The following ZFTRAF1 variants were observed in gnomAD, a reference collection of about 807,000 sequenced individuals.
ZFTRAF1 encodes zinc finger TRAF-type and ring finger containing 1, also known as zinc finger TRAF-type-containing protein 1.
At chr8:144,462,380 G>A in the ZFTRAF1 span, 2 of 469,562 alleles carry the variant, frequency 4.3e-6, no homozygotes, top group South Asian at 3.4e-5. Context: ...CGCCGCCGCC[G>A]CCGCCGCCGC....
At chr8:144,459,007 G>A in the ZFTRAF1 span, among the ~76,000 whole-genome samples, 2 of 152,270 alleles carry the variant, frequency 1.3e-5, no homozygotes, top group African/African-American at 4.8e-5. Context: ...CAGCACCAAG[G>A]CCCAGGGCCT....
the ZFTRAF1 span, chr8:144,453,638 G>GAA: frequency 3.3e-6 from 2 of 605,628 alleles, no homozygotes; most frequent in South Asian, 4.1e-5. Context: ...CTGCTCAGGA[G>GAA]AAACAGGCAG....
the ZFTRAF1 span, among the ~76,000 whole-genome samples, chr8:144,458,327 A>G: frequency 6.6e-6 from 1 of 152,220 alleles, no homozygotes; most frequent in South Asian, 2.1e-4. Flanking sequence ...CACCACAGAA[A>G]ACAAAAATTC....
chr8:144,461,716 T>TA, the ZFTRAF1 span, among the ~76,000 whole-genome samples: 1 of 152,156 alleles, frequency 6.6e-6, no homozygotes, highest in Non-Finnish European at 1.5e-5. Context: ...CCCCTCTCCT[T>TA]ACTGTTCTTC....
At chr8:144,455,840 C>T in the ZFTRAF1 span, 2 of 152,414 alleles carry the variant, frequency 1.3e-5, no homozygotes, top group Admixed American at 1.3e-4. Flanking sequence ...TAAGGGAGCA[C>T]TGAGGCTGCC....
At chr8:144,460,833 G>A in the ZFTRAF1 span, among the ~76,000 whole-genome samples, 1 of 152,228 alleles carries the variant, frequency 6.6e-6, no homozygotes, top group African/African-American at 2.4e-5. Flanking sequence ...GCAGTGAGCA[G>A]AGATCGTGGC....
At chr8:144,453,148 CCCTGCTGCACCAGGGT>C in the ZFTRAF1 span, 1 of 1,343,984 alleles carries the variant, frequency 7.4e-7, no homozygotes, top group Admixed American at 2.0e-5. Flanking sequence ...CTGCACAGGG[CCCTGCTGCACCAGGGT>C]GGGCTCCCAG....
At chr8:144,461,845 A>C in the ZFTRAF1 span, among the ~76,000 whole-genome samples, 1 of 151,922 alleles carries the variant, frequency 6.6e-6, no homozygotes, top group Non-Finnish European at 1.5e-5. Context: ...CTGCCGGAAG[A>C]ATGGGGAAGG....
At chr8:144,459,543 G>A in the ZFTRAF1 span, among the ~76,000 whole-genome samples, 1 of 152,260 alleles carries the variant, frequency 6.6e-6, no homozygotes. Flanking sequence ...CATCGTACGG[G>A]CACAGGCCCA....
At chr8:144,453,168 C>A in the ZFTRAF1 span, 1 of 1,487,560 alleles carries the variant, frequency 6.7e-7, no homozygotes, top group East Asian at 2.5e-5. Context: ...CCAGGGTGGG[C>A]TCCCAGCAGT....
the ZFTRAF1 span, among the ~76,000 whole-genome samples, chr8:144,458,571 G>T: frequency 1.3e-5 from 2 of 151,968 alleles, no homozygotes; most frequent in Non-Finnish European, 2.9e-5. Flanking sequence ...GGGGTGTGGG[G>T]CTCGGGCAGA....
At chr8:144,455,212 G>A in the ZFTRAF1 span, 2 of 152,362 alleles carry the variant, frequency 1.3e-5, no homozygotes, top group African/African-American at 4.8e-5. Context: ...CTTCTCAGGA[G>A]GCTGAGGCAG....
chr8:144,453,492 A>C, the ZFTRAF1 span: 1 of 1,529,012 alleles, frequency 6.5e-7, no homozygotes, highest in African/African-American at 1.4e-5. Flanking sequence ...CGAAGCTCAC[A>C]GACCTGCGGG....
At chr8:144,456,600 A>C in the ZFTRAF1 span, 11 of 152,294 alleles carry the variant, frequency 7.2e-5, no homozygotes, top group Non-Finnish European at 1.5e-4. Flanking sequence ...GGGGATCCAC[A>C]ACCCCCCACG....
the ZFTRAF1 span, chr8:144,451,017 G>A: frequency 6.9e-5 from 35 of 507,930 alleles, no homozygotes; most frequent in African/African-American, 3.6e-4. Context: ...GAGGCTGCAC[G>A]TGTCAGGCCA....
chr8:144,452,079 T>A, the ZFTRAF1 span: 1 of 491,202 alleles, frequency 2.0e-6, no homozygotes, highest in South Asian at 2.0e-5. Context: ...GATGCCACCT[T>A]GCAGGGATGG....
chr8:144,452,703 CA>C, the ZFTRAF1 span: 3 of 800,140 alleles, frequency 3.7e-6, no homozygotes, highest in Non-Finnish European at 5.9e-6. Flanking sequence ...GCCCACCCCC[CA>C]GGATGAGGTC....
At chr8:144,462,084 C>T in the ZFTRAF1 span, among the ~76,000 whole-genome samples, 1 of 152,164 alleles carries the variant, frequency 6.6e-6, no homozygotes, top group African/African-American at 2.4e-5. Context: ...GAAAATAAAG[C>T]CCTGAGAGAA....
the ZFTRAF1 span, among the ~76,000 whole-genome samples, chr8:144,460,778 G>C: frequency 8.6e-3 from 1,311 of 152,348 alleles, 17 homozygotes; most frequent in African/African-American, 0.03. Context: ...AGCTACTCGG[G>C]AGGCTGAGGT....
Sources: gnomAD v4.1 joint callset for allele counts (sites outside exome capture counted in the v4.1 genomes callset) on GRCh38, gnomAD v4.1.1 for gene constraint, MANE v1.5 for transcripts, NCBI Gene and HGNC (gene_info 2026-07-23, HGNC 2026-07-21) for gene names.